Variants in PCDHGA11 observed in about 807,000 individuals in gnomAD.
PCDHGA11 encodes protocadherin gamma subfamily A, 11.
Under a neutral mutation model 60.4 loss-of-function variants are expected in PCDHGA11, and 39 were observed. The observed-to-expected ratio is 0.65, with a 90% CI of 0.50 to 0.84. The LOEUF is 0.84. PCDHGA11 is among the 40% of genes least tolerant of loss of function. PCDHGA11 has a pLI of 0.00. For synonymous variants in PCDHGA11, 533 were observed against 510.3 expected, an observed-to-expected ratio of 1.04 and a Z score of -0.60; for missense variants, 1,165 against 1,197.7, an observed-to-expected ratio of 0.97 and a Z score of 0.40.
Position 141,486,662 on chromosome 5 carries a change from C to T in PCDHGA11, c.2434-8145C>T. 6.2e-7 allele frequency: 1 copy of T among 1,613,970 alleles called. No homozygotes were observed. The highest frequency in any genetic ancestry group is 1.1e-5 in the South Asian group (1 of 91,086). ...GCTTATCTCCTACTCACTCCTGGAG[C>T]CCAGGAATCGAGATGTATCAGCTTC... On this transcript the variant is annotated intron_variant, in intron 1 of 3. Coordinates refer to ENST00000398587, the MANE Select transcript of PCDHGA11 (RefSeq NM_018914.3). The surrounding 1 kb of genome is among the most constrained non-coding windows in gnomAD (Gnocchi z 5.0).
At position 141,421,637 on chromosome 5, in the gene PCDHGA11, A is replaced by T; in HGVS notation, c.410A>T (p.Asp137Val). The T allele has an allele frequency of 6.2e-7, 1 of 1,613,810 alleles. No homozygotes were observed. Among genetic ancestry groups the T allele is most frequent in the Non-Finnish European group, 8.5e-7 (1 of 1,179,804 alleles). The change falls in exon 1 of 4, where the codon GAC becomes GTC. Residue 137 changes from aspartate to valine, a missense_variant. Coordinates refer to ENST00000398587, the MANE Select transcript of PCDHGA11 (RefSeq NM_018914.3). ...INDNAPSFQE[D>V]EVEIKVSEHA... ...GATAACGCCCCCAGCTTCCAGGAGG[A>T]CGAAGTGGAGATAAAAGTCAGTGAG... is the stretch of plus-strand genomic sequence containing the variant.
rs887814386 is a variant in PCDHGA11, at chr5:141,431,347, G to A, written c.2433+7687G>A. The A allele has an allele frequency of 1.9e-6, 3 of 1,614,098 alleles. No individual in the cohort carries two copies. The highest frequency in any genetic ancestry group is 2.5e-6 in the Non-Finnish European group (3 of 1,180,036). On this transcript the variant is annotated intron_variant, in intron 1 of 3. Coordinates refer to ENST00000398587, the MANE Select transcript of PCDHGA11 (RefSeq NM_018914.3). This position sits in a 1 kb window ranked among gnomAD's most constrained non-coding sequence, Gnocchi z 4.8. ...GTAGTAAGTACCCCGAATTGGTGCT[G>A]AAACGCGCCCTGGACCGCGAAGAAA...
chr5:141,444,410 A>G (rs2098435910), intron 1 of PCDHGA11, among the ~76,000 whole-genome samples: 1 of 151,922 alleles, frequency 6.6e-6, no homozygotes, highest in African/African-American at 2.4e-5. Flanking sequence ...ACCTCAGGTG[A>G]TCTTCCCTCC....
chr5:141,475,740 A>G (rs942793010), intron 1 of PCDHGA11, among the ~76,000 whole-genome samples: 4 of 152,280 alleles, frequency 2.6e-5, no homozygotes, highest in Non-Finnish European at 5.9e-5. Flanking sequence ...TCCCTAAGGT[A>G]GGTTTCCTAT....
At position 141,433,188 on chromosome 5, in the gene PCDHGA11, G is replaced by A. The variant is rs2097573612; in HGVS notation, c.2433+9528G>A. The A allele has an allele frequency of 2.5e-6, 4 of 1,583,816 alleles. No homozygotes were observed. The South Asian group carries it at 3.5e-5, about 14-fold the overall frequency. On this transcript the variant is annotated intron_variant, in intron 1 of 3. Coordinates refer to ENST00000398587, the MANE Select transcript of PCDHGA11 (RefSeq NM_018914.3). ...GACAGTCATGGGTTAATTGAGGTGA[G>A]TTTATATCAAATCTTCTTTCTTTTT...
intron 1 of PCDHGA11, among the ~76,000 whole-genome samples, chr5:141,460,958 T>C (rs182414946): frequency 8.2e-6 from 1 of 121,926 alleles, no homozygotes; most frequent in Non-Finnish European, 1.6e-5. Context: ...TATGTATATA[T>C]ATATGTGTGT....
In PCDHGA11 at chr5:141,487,128, G is replaced by T. The variant is rs565927415; in HGVS notation, c.2434-7679G>T. On this transcript the variant is annotated intron_variant, in intron 1 of 3. Transcript: ENST00000398587. This position sits in a 1 kb window ranked among gnomAD's most constrained non-coding sequence, Gnocchi z 5.0. ...GTCATTGTGGTAAAGGATAGTGGTA[G>T]TCCACCACTCTCTACCTCTGTTACT... The T allele has an allele frequency of 6.3e-5, 102 of 1,614,086 alleles. No individual in the cohort carries two copies. The South Asian group carries it at 7.7e-4, about 12-fold the overall frequency.
Position 141,511,107 on chromosome 5 carries a change from G to A in PCDHGA11, c.2742G>A (p.Arg914=), listed in dbSNP as rs2099883608. 1 of 1,614,220 alleles carries A rather than the reference G, an allele frequency of 6.2e-7. No homozygotes were observed. Among genetic ancestry groups the A allele is most frequent in the Non-Finnish European group, 8.5e-7 (1 of 1,180,020 alleles). Residue 914 remains arginine, a synonymous_variant, in exon 4 of 4, where the codon CGG becomes CGA. Coordinates refer to ENST00000398587, the MANE Select transcript of PCDHGA11 (RefSeq NM_018914.3). Reference sequence around the variant, plus strand: ...CACTGACCAACGCAGCTGGCAAGCGGGATGGCAAGGCCCCAGCAGGTGGCA... The same window carrying A: ...CACTGACCAACGCAGCTGGCAAGCGAGATGGCAAGGCCCCAGCAGGTGGCA... The part of the protein sequence containing the change: ...NATLTNAAGK[R]DGKAPAGGNG...
intron 1 of PCDHGA11, among the ~76,000 whole-genome samples, chr5:141,448,516 A>T (rs1210489939): frequency 3.9e-5 from 6 of 152,152 alleles, no homozygotes; most frequent in Non-Finnish European, 8.8e-5. Flanking sequence ...TTATAACTTT[A>T]TTAAGCATCC....
At chr5:141,457,864 C>T (rs962336979) in intron 1 of PCDHGA11, among the ~76,000 whole-genome samples, 5 of 152,166 alleles carry the variant, frequency 3.3e-5, no homozygotes, top group African/African-American at 4.8e-5. Flanking sequence ...CTTCACTGAC[C>T]ACAGGTTAGG....
In PCDHGA11 at chr5:141,431,135, A is replaced by T. The variant is rs140069213; in HGVS notation, c.2433+7475A>T. On this transcript the variant is annotated intron_variant, in intron 1 of 3. Transcript: ENST00000398587. This position sits in a 1 kb window ranked among gnomAD's most constrained non-coding sequence, Gnocchi z 4.8. ...TGGAGTAGAAGTAGAAGTAAGGGAC[A>T]TTAACGACAATGCGCCTTACTTTCG... 1 of 1,614,266 alleles carries T rather than the reference A, an allele frequency of 6.2e-7. No homozygotes were observed. Among genetic ancestry groups the T allele is most frequent in the African/African-American group, 1.3e-5 (1 of 75,078 alleles).
At chr5:141,449,101 G>A (rs1020443363) in intron 1 of PCDHGA11, among the ~76,000 whole-genome samples, 2 of 152,144 alleles carry the variant, frequency 1.3e-5, no homozygotes, top group African/African-American at 2.4e-5. Flanking sequence ...TACATATGCA[G>A]TATATCTTTG....
chr5:141,421,909 C>T lies in PCDHGA11; in HGVS notation c.682C>T (p.Pro228Ser). The change falls in exon 1 of 4, where the codon CCC (proline) becomes TCC (serine). Residue 228 changes from proline to serine, a missense_variant. Physicochemically the swap from Pro to Ser is moderately conservative, Grantham distance 74. Transcript: ENST00000398587. Reference sequence around the variant, plus strand: ...CGATCCCATCCGAAAGGGCGCAGTTCCCATTCGTGTGGTGGTCCTCGATGT... The same window carrying T: ...CGATCCCATCCGAAAGGGCGCAGTTTCCATTCGTGTGGTGGTCCTCGATGT... ...GGDPIRKGAV[P>S]IRVVVLDVND... 3 of 1,613,710 alleles carry T rather than the reference C, an allele frequency of 1.9e-6. No individual in the cohort carries two copies. The highest frequency in any genetic ancestry group is 2.5e-6 in the Non-Finnish European group (3 of 1,179,874).
intron 1 of PCDHGA11, among the ~76,000 whole-genome samples, chr5:141,448,869 T>C (rs1375609555): frequency 6.6e-6 from 1 of 151,930 alleles, no homozygotes; most frequent in Non-Finnish European, 1.5e-5. Flanking sequence ...GGCGTGAACC[T>C]GGGAGGCGGA....
rs762574320 is a variant in PCDHGA11, at chr5:141,485,926, G to T, written c.2434-8881G>T. 2.5e-6 allele frequency: 4 copies of T among 1,614,090 alleles called. No individual in the cohort carries two copies. The highest frequency in any genetic ancestry group is 3.4e-6 in the Non-Finnish European group (4 of 1,180,052). On this transcript the variant is annotated intron_variant, in intron 1 of 3. Transcript: ENST00000398587. This position sits in a 1 kb window ranked among gnomAD's most constrained non-coding sequence, Gnocchi z 5.7. Reference sequence around the variant, plus strand: ...AGCAATCCAGCTACAGGATTAGTGTGTTGGAGAGCGCACCAGCGGGCATGG... The same window carrying T: ...AGCAATCCAGCTACAGGATTAGTGTTTTGGAGAGCGCACCAGCGGGCATGG...
intron 1 of PCDHGA11, chr5:141,492,046 AC>A (rs955983612): frequency 2.0e-6 from 1 of 494,316 alleles, no homozygotes; most frequent in African/African-American, 2.0e-5. Context: ...TCACAGATCC[AC>A]CCCTGCAGCC....
intron 1 of PCDHGA11, among the ~76,000 whole-genome samples, chr5:141,470,504 G>A (rs914828244): frequency 6.6e-6 from 1 of 152,114 alleles, no homozygotes; most frequent in Admixed American, 6.6e-5. Flanking sequence ...TAGGTAATTA[G>A]ACAGTTAGCT....
At chr5:141,438,949 A>G (rs538626951) in intron 1 of PCDHGA11, among the ~76,000 whole-genome samples, 1 of 152,170 alleles carries the variant, frequency 6.6e-6, no homozygotes, top group East Asian at 1.9e-4. Flanking sequence ...TATAGGCATG[A>G]GCCACCGCAC....
At position 141,485,060 on chromosome 5, in the gene PCDHGA11, G is replaced by A. The variant is rs191055161; in HGVS notation, c.2434-9747G>A. 155 of 862,304 alleles carry A rather than the reference G, an allele frequency of 1.8e-4. No individual in the cohort carries two copies. The African/African-American group carries it at 2.3e-3, about 13-fold the overall frequency. 53.4% of individuals were successfully genotyped at this position (862,304 alleles called of 1,614,324 possible). ...ACCCTTGCGGCGCCGGCCGAACCGCGCCAGAGCTGGCGCGGGGAAAGGGAG... is the reference window on the plus strand; with the variant it reads ...ACCCTTGCGGCGCCGGCCGAACCGCACCAGAGCTGGCGCGGGGAAAGGGAG... On this transcript the variant is annotated intron_variant, in intron 1 of 3. Transcript: ENST00000398587. This position sits in a 1 kb window ranked among gnomAD's most constrained non-coding sequence, Gnocchi z 5.7.
Sources: allele counts gnomAD v4.1 joint callset (sites outside exome capture counted in the v4.1 genomes callset), GRCh38; gene constraint gnomAD v4.1.1; non-coding constraint Gnocchi (gnomAD v3.1); transcripts MANE v1.5; gene names NCBI Gene and HGNC (gene_info 2026-07-23, HGNC 2026-07-21).